ARSG: variants seen among roughly 807,000 people sequenced by gnomAD.
ARSG encodes ASG.
Under a neutral mutation model 50.5 loss-of-function variants are expected in ARSG, and 37 were observed. The ratio of observed to expected loss-of-function variants is 0.73; its 90% CI spans 0.56 to 0.96. The LOEUF (loss-of-function observed/expected upper bound fraction) is 0.96, where lower values mean the gene tolerates loss of function less well. Ranked by LOEUF, ARSG falls within the 50% of genes least tolerant of loss-of-function variation. The pLI, the probability that ARSG is intolerant of heterozygous loss-of-function variation, is 0.00. For missense variants in ARSG, 629 were observed against 675.3 expected (o/e 0.93, Z 0.76); for synonymous variants, 225 against 254.6 (o/e 0.88, Z 1.11).
At chr17:68,400,115 T>A (rs2147214950) in intron 10 of ARSG, 1 of 152,270 alleles carries the variant, frequency 6.6e-6, no homozygotes, top group Admixed American at 6.5e-5. Flanking sequence ...CAACAGATGT[T>A]TCTCATTTTT....
downstream of ARSG, chr17:68,426,252 G>GGGT: frequency 1.2e-6 from 1 of 828,184 alleles, no homozygotes; most frequent in Non-Finnish European, 1.9e-6. Context: ...TGGGGAGCGG[G>GGGT]GGCTCAAATA....
In ARSG at chr17:68,343,695, C is replaced by G. The variant is rs775628539; in HGVS notation, c.310C>G (p.Arg104Gly). Residue 104 changes from arginine to glycine, a missense_variant, in exon 3 of 12, where the codon CGC becomes GGC. Arg to Gly is a moderately radical substitution (Grantham distance 125). Coordinates refer to ENST00000621439, the MANE Select transcript of ARSG (RefSeq NM_001267727.2). ...GRLGLRNGVTRNFAVTSVGGL... is the reference protein window; with the variant it reads ...GRLGLRNGVTGNFAVTSVGGL... ...GCTTGGCCTTCGCAATGGAGTCACA[C>G]GCAACTTTGCAGTCACTTCTGTGGG... is the stretch of plus-strand genomic sequence containing the variant. 2 of 1,614,204 alleles carry G rather than the reference C, an allele frequency of 1.2e-6. No individual in the cohort carries two copies. Among genetic ancestry groups the G allele is most frequent in the Non-Finnish European group, 1.7e-6 (2 of 1,180,028 alleles).
intron 9 of ARSG, among the ~76,000 whole-genome samples, chr17:68,391,148 T>G (rs770359189): frequency 9.9e-5 from 15 of 152,086 alleles, no homozygotes; most frequent in Non-Finnish European, 1.9e-4. Flanking sequence ...TGGGGTGCCC[T>G]TGGTAGCCTT....
At chr17:68,330,400 T>C (rs1171541633) in intron 2 of ARSG, among the ~76,000 whole-genome samples, 1 of 152,062 alleles carries the variant, frequency 6.6e-6, no homozygotes, top group Non-Finnish European at 1.5e-5. Flanking sequence ...TTTGACATGA[T>C]GGCCCTAGGA....
intron 11 of ARSG, among the ~76,000 whole-genome samples, chr17:68,415,643 G>T (rs2082318156): frequency 1.3e-5 from 2 of 152,092 alleles, no homozygotes; most frequent in South Asian, 4.1e-4. Context: ...CTATTATTGT[G>T]TTGCCGTCTA....
intron 2 of ARSG, among the ~76,000 whole-genome samples, chr17:68,317,708 A>G (rs2077122492): frequency 6.6e-6 from 1 of 152,176 alleles, no homozygotes; most frequent in Non-Finnish European, 1.5e-5. Context: ...GCTGTTGAAC[A>G]CTTATCAGTT....
chr17:68,408,676 T>G (rs1213365214), intron 11 of ARSG, among the ~76,000 whole-genome samples: 1 of 152,148 alleles, frequency 6.6e-6, no homozygotes, highest in Non-Finnish European at 1.5e-5. Context: ...TATTTCTAGT[T>G]CTAGATCCCT....
chr17:68,337,589 C>T (rs771698020), intron 2 of ARSG, among the ~76,000 whole-genome samples: 13 of 137,182 alleles, frequency 9.5e-5, no homozygotes, highest in Non-Finnish European at 1.9e-4. Context: ...GATTAGGAAG[C>T]TAAGCAGAAA....
At chr17:68,277,587 G>A (rs1360581989) in intron 1 of ARSG, among the ~76,000 whole-genome samples, 5 of 152,104 alleles carry the variant, frequency 3.3e-5, no homozygotes, top group African/African-American at 1.2e-4. Flanking sequence ...AAAACACTGT[G>A]CCTGGCTAAT....
Position 68,370,398 on chromosome 17 carries a change from G to A in ARSG, c.902-46G>A, listed in dbSNP as rs778816558. Reference sequence around the variant, plus strand: ...GGCCAGAGTGGGAGGGTCAGCGAAAGTGTCCAACCAGCCTGGTGACCATTA... The same window carrying A: ...GGCCAGAGTGGGAGGGTCAGCGAAAATGTCCAACCAGCCTGGTGACCATTA... On this transcript the variant is annotated intron_variant, in intron 7 of 11. Coordinates refer to ENST00000621439, the MANE Select transcript of ARSG (RefSeq NM_001267727.2). 3.8e-6 allele frequency: 6 copies of A among 1,589,828 alleles called. No homozygotes were observed. In the South Asian group the frequency reaches 6.6e-5, roughly 18 times the overall value.
At chr17:68,336,292 C>T (rs2078016052) in intron 2 of ARSG, among the ~76,000 whole-genome samples, 1 of 151,546 alleles carries the variant, frequency 6.6e-6, no homozygotes, top group Non-Finnish European at 1.5e-5. Flanking sequence ...TCACTGCAAC[C>T]TCCTTCTCCC....
chr17:68,393,867 CAAAA>C (rs762829963), intron 9 of ARSG, among the ~76,000 whole-genome samples: 3 of 106,214 alleles, frequency 2.8e-5, no homozygotes, highest in African/African-American at 1.1e-4. Context: ...GACTCCATCT[CAAAA>C]AAAAAAAAAA....
At chr17:68,340,680 A>C (rs896175435) in intron 2 of ARSG, among the ~76,000 whole-genome samples, 1 of 152,158 alleles carries the variant, frequency 6.6e-6, no homozygotes, top group Admixed American at 6.5e-5. Context: ...TGGCACAAGC[A>C]GATGTCCCAG....
chr17:68,389,737 G>A (rs971297001), intron 9 of ARSG, among the ~76,000 whole-genome samples: 8 of 151,940 alleles, frequency 5.3e-5, no homozygotes, highest in African/African-American at 9.7e-5. Flanking sequence ...CCTGCCTCTC[G>A]CTTCCTGTCC....
chr17:68,373,274 G>C (rs112743925), intron 8 of ARSG, among the ~76,000 whole-genome samples: 3,204 of 150,310 alleles, frequency 0.021, 113 homozygotes, highest in African/African-American at 0.072. Context: ...TTGTTCCCTG[G>C]GCTGGAGTGC....
At chr17:68,374,987 T>C (rs571523896) in intron 8 of ARSG, among the ~76,000 whole-genome samples, 32 of 152,326 alleles carry the variant, frequency 2.1e-4, no homozygotes, top group African/African-American at 6.3e-4. Flanking sequence ...TTCCTCCTAT[T>C]TGTTGAGCAC....
At chr17:68,361,066 C>G (rs2079261934) in intron 6 of ARSG, among the ~76,000 whole-genome samples, 1 of 152,190 alleles carries the variant, frequency 6.6e-6, no homozygotes, top group African/African-American at 2.4e-5. Context: ...CTCAGGTGAT[C>G]TACCTGCCTC....
Position 68,343,806 on chromosome 17 carries a change from C to T in ARSG, c.406+15C>T, listed in dbSNP as rs769462580. 55 of 1,593,658 alleles carry T rather than the reference C, an allele frequency of 3.5e-5. No individual in the cohort carries two copies. The highest frequency in any genetic ancestry group is 4.2e-5 in the Non-Finnish European group (49 of 1,166,778). ...TGGGATAATAGGTAACTCTGGGCCC[C>T]GTCTGCCTGTTGCATTTACTGCAGT... On this transcript the variant is annotated intron_variant, in intron 3 of 11. Transcript: ENST00000621439.
upstream of ARSG, among the ~76,000 whole-genome samples, chr17:68,289,074 G>A (rs1407349746): frequency 2.6e-5 from 4 of 152,070 alleles, no homozygotes; most frequent in Non-Finnish European, 5.9e-5. Context: ...GGCCGGGTGC[G>A]GTAGCTCATG....
Sources: gnomAD v4.1 joint callset for allele counts (sites outside exome capture counted in the v4.1 genomes callset) on GRCh38, gnomAD v4.1.1 for gene constraint, MANE v1.5 for transcripts, NCBI Gene and HGNC (gene_info 2026-07-23, HGNC 2026-07-21) for gene names.